The following FBXW7 variants were observed in gnomAD, a reference collection of about 807,000 sequenced individuals.
FBXW7 encodes F-box/WD repeat-containing protein 7.
In FBXW7, 11 loss-of-function variants were observed where a neutral mutation model predicts 86.3. The observed-to-expected ratio is 0.13, with a 90% CI of 0.08 to 0.21. The LOEUF is 0.21. Ranked by LOEUF, FBXW7 falls within the 10% of genes least tolerant of loss-of-function variation. The pLI, the probability that FBXW7 is intolerant of heterozygous loss-of-function variation, is 1.00. For synonymous variants in FBXW7, 313 were observed against 297.9 expected (o/e 1.05, Z -0.52); for missense variants, 488 against 847.4 (o/e 0.58, Z 5.27).
intron 2 of FBXW7, among the ~76,000 whole-genome samples, chr4:152,472,886 T>G (rs1744083267): frequency 6.6e-6 from 1 of 152,196 alleles, no homozygotes; most frequent in Admixed American, 6.5e-5. Context: ...GTATTTCAAT[T>G]TATTTCTATT....
intron 2 of FBXW7, chr4:152,530,990 C>T (rs1486326595): frequency 6.6e-6 from 1 of 152,210 alleles, no homozygotes; most frequent in Non-Finnish European, 1.5e-5. Context: ...AAGACTTCTC[C>T]AAGAACCATC....
chr4:152,504,675 T>C (rs913330510), intron 2 of FBXW7, among the ~76,000 whole-genome samples: 4 of 152,220 alleles, frequency 2.6e-5, no homozygotes, highest in Non-Finnish European at 4.4e-5. Context: ...GATTTAGATA[T>C]GTGAATCTAC....
chr4:152,495,491 A>C (rs1464926797), intron 2 of FBXW7, among the ~76,000 whole-genome samples: 4 of 152,166 alleles, frequency 2.6e-5, no homozygotes, highest in Admixed American at 2.6e-4. Context: ...ACCATGAAAC[A>C]GAAATCTTTA....
intron 4 of FBXW7, among the ~76,000 whole-genome samples, chr4:152,376,622 T>C (rs545527773): frequency 1.3e-5 from 2 of 152,150 alleles, no homozygotes; most frequent in African/African-American, 2.4e-5. Context: ...TCTATTATCA[T>C]GAATAACTGA....
intron 4 of FBXW7, among the ~76,000 whole-genome samples, chr4:152,369,869 A>G (rs1246059879): frequency 6.6e-6 from 1 of 152,016 alleles, no homozygotes. Flanking sequence ...AATCAGGGCC[A>G]AGAGCTTTCA....
At chr4:152,366,266 G>A (rs984241332) in intron 4 of FBXW7, among the ~76,000 whole-genome samples, 2 of 151,980 alleles carry the variant, frequency 1.3e-5, no homozygotes, top group African/African-American at 4.8e-5. Context: ...AATTAAATTG[G>A]AAGAAAATAA....
At position 152,520,581 on chromosome 4, in the gene FBXW7, T is replaced by C. The variant is rs568104735; in HGVS notation, c.-120+14360A>G. On this transcript the variant is annotated intron_variant, in intron 2 of 13. Coordinates refer to ENST00000281708, the MANE Select transcript of FBXW7 (RefSeq NM_001349798.2). ...CCATACTTAAGAGTACATACTCACT[T>C]AATTTGGGCCCAAATGTGCAAAGGG... is the stretch of plus-strand genomic sequence containing the variant. 8.5e-5 allele frequency among the ~76,000 whole-genome samples: 13 copies of C among 152,268 alleles called. 1 individual carries two copies. In the South Asian group the frequency reaches 2.7e-3, roughly 32 times the overall value.
At chr4:152,333,426 T>C (rs995432319) in intron 7 of FBXW7, among the ~76,000 whole-genome samples, 1 of 152,038 alleles carries the variant, frequency 6.6e-6, no homozygotes, top group South Asian at 2.1e-4. Flanking sequence ...ACTTATAAAC[T>C]ATTGATTTTT....
chr4:152,498,406 G>A (rs1260973977), intron 2 of FBXW7, among the ~76,000 whole-genome samples: 1 of 152,148 alleles, frequency 6.6e-6, no homozygotes, highest in African/African-American at 2.4e-5. Flanking sequence ...GATGGAAATT[G>A]GGCCTCATGG....
At chr4:152,414,077 T>C (rs965092874) in intron 2 of FBXW7, among the ~76,000 whole-genome samples, 29 of 152,182 alleles carry the variant, frequency 1.9e-4, no homozygotes, top group African/African-American at 6.8e-4. Flanking sequence ...TGCCAACTGA[T>C]CAATGCATAA....
At chr4:152,445,229 T>A (rs1324813451) in intron 2 of FBXW7, among the ~76,000 whole-genome samples, 2 of 152,218 alleles carry the variant, frequency 1.3e-5, no homozygotes, top group African/African-American at 4.8e-5. Flanking sequence ...ACAAATCATT[T>A]CTTATTCAAG....
chr4:152,508,385 A>G (rs1747628479), intron 2 of FBXW7, among the ~76,000 whole-genome samples: 1 of 152,170 alleles, frequency 6.6e-6, no homozygotes, highest in Non-Finnish European at 1.5e-5. Context: ...ACCATGACAA[A>G]ATCATCAATA....
intron 2 of FBXW7, among the ~76,000 whole-genome samples, chr4:152,423,573 C>T (rs1426247269): frequency 6.6e-6 from 1 of 152,084 alleles, no homozygotes; most frequent in Non-Finnish European, 1.5e-5. Flanking sequence ...CCTCTAATGT[C>T]CATCAGAGAT....
chr4:152,504,275 T>G (rs1747213460), intron 2 of FBXW7, among the ~76,000 whole-genome samples: 1 of 152,112 alleles, frequency 6.6e-6, no homozygotes, highest in African/African-American at 2.4e-5. Context: ...TACATTGAAA[T>G]TTAAAGTTTT....
intron 4 of FBXW7, among the ~76,000 whole-genome samples, chr4:152,391,283 G>C (rs528933811): frequency 6.6e-6 from 1 of 152,180 alleles, no homozygotes; most frequent in East Asian, 1.9e-4. Context: ...CGGGCTGACA[G>C]TTGATACCAC....
intron 4 of FBXW7, among the ~76,000 whole-genome samples, chr4:152,405,700 C>G (rs1223540350): frequency 6.6e-6 from 1 of 152,186 alleles, no homozygotes; most frequent in East Asian, 1.9e-4. Context: ...CAATTTTTAT[C>G]TTACAATTGC....
intron 2 of FBXW7, among the ~76,000 whole-genome samples, chr4:152,508,725 A>G (rs1490914382): frequency 6.6e-6 from 1 of 151,808 alleles, no homozygotes; most frequent in South Asian, 2.1e-4. Flanking sequence ...AATGTTAATT[A>G]CCTGGTCCCA....
Position 152,531,008 on chromosome 4 carries a change from T to C in FBXW7, c.-120+3933A>G, listed in dbSNP as rs139785981. 7.2e-3 allele frequency among the ~76,000 whole-genome samples: 1,104 copies of C among 152,276 alleles called. 6 individuals carry two copies. Among genetic ancestry groups the C allele is most frequent in the Middle Eastern group, 0.024 (7 of 294 alleles). On this transcript the variant is annotated intron_variant, in intron 2 of 13. Transcript: ENST00000281708. ...ACTTCTCCAAGAACCATCTCCAAAGTACAATGAAATGAGCCTATGCATGGC... is the reference window on the plus strand; with the variant it reads ...ACTTCTCCAAGAACCATCTCCAAAGCACAATGAAATGAGCCTATGCATGGC...
At chr4:152,506,004 G>C (rs1217550381) in intron 2 of FBXW7, among the ~76,000 whole-genome samples, 1 of 152,104 alleles carries the variant, frequency 6.6e-6, no homozygotes, top group African/African-American at 2.4e-5. Context: ...GCCTCCCAAA[G>C]TGAATTTATT....
Sources: allele counts gnomAD v4.1 joint callset (sites outside exome capture counted in the v4.1 genomes callset), GRCh38; gene constraint gnomAD v4.1.1; transcripts MANE v1.5; gene names NCBI Gene and HGNC (gene_info 2026-07-23, HGNC 2026-07-21).